The following VPS13D variants were observed in gnomAD, a reference collection of about 807,000 sequenced individuals.
The protein encoded by VPS13D is vacuolar protein sorting 13 homolog D.
In VPS13D, 187 loss-of-function variants were observed where a neutral mutation model predicts 461.9. The ratio of observed to expected loss-of-function variants is 0.40; its 90% CI spans 0.36 to 0.46. The LOEUF (loss-of-function observed/expected upper bound fraction) is 0.46, where lower values mean the gene tolerates loss of function less well. Among genes scored for constraint, VPS13D ranks in the 20% least tolerant of loss-of-function variants. The pLI, the probability that VPS13D is intolerant of heterozygous loss-of-function variation, is 0.60. For synonymous variants in VPS13D, 1,951 were observed against 1,986.3 expected (o/e 0.98, Z 0.47); for missense variants, 4,711 against 5,364.9 (o/e 0.88, Z 3.81).
intron 65 of VPS13D, 101 bp downstream of exon 65, chr1:12,416,928 A>G: frequency 3.0e-6 from 4 of 1,328,490 alleles, no homozygotes; most frequent in Non-Finnish European, 4.0e-6. Context: ...AGTTATATTC[A>G]TGGCTTTTGC....
intron 65 of VPS13D, among the ~76,000 whole-genome samples, chr1:12,445,299 A>G (rs1303635356): frequency 1.3e-5 from 2 of 152,234 alleles, no homozygotes; most frequent in Non-Finnish European, 2.9e-5. Context: ...TCATTTTCCT[A>G]TCTTTCTAGT....
Position 12,322,596 on chromosome 1 carries a change from A to G in VPS13D, c.7765A>G (p.Ile2589Val), listed in dbSNP as rs764173829. Residue 2589 changes from isoleucine to valine, a missense_variant, in exon 34 of 70, where the codon ATT (isoleucine) becomes GTT (valine). By Grantham distance (29) the Ile-to-Val change is conservative (BLOSUM62 3). Around this residue, in one of 3 missense-constraint regions of VPS13D, gnomAD observed 4,411 missense variants for 4,937.8 expected, o/e 0.89. Transcript: ENST00000620676. The stretch of plus-strand genomic sequence containing the variant: ...TAATGATGTTCAGCTGTTTCTTGCC[A>G]TTGCAAAATCCATCCCAGAGCAAGC... ...SYNDVQLFLA[I>V]AKSIPEQANA... 3.7e-6 allele frequency: 6 copies of G among 1,614,226 alleles called. No individual in the cohort carries two copies. The highest frequency in any genetic ancestry group is 5.1e-6 in the Non-Finnish European group (6 of 1,180,032).
At position 12,277,952 on chromosome 1, in the gene VPS13D, C is replaced by T. The variant is rs1221730173; in HGVS notation, c.4364C>T (p.Pro1455Leu). The T allele has an allele frequency of 1.2e-6, 2 of 1,614,198 alleles. No homozygotes were observed. Residue 1455 changes from proline to leucine, a missense_variant, in exon 19 of 70, where the codon CCA (proline) becomes CTA (leucine). Around this residue, in one of 3 missense-constraint regions of VPS13D, gnomAD observed 4,411 missense variants for 4,937.8 expected, o/e 0.89. Coordinates refer to ENST00000620676, the MANE Select transcript of VPS13D (RefSeq NM_015378.4). ...VGSEGSRMFC[P>L]PSGSGSANSQ... ...TCTGAAGGAAGCCGGATGTTTTGCC[C>T]ACCTTCCGGGTCTGGCAGTGCCAAC...
rs183776457 is a variant in VPS13D, at chr1:12,267,508, A to G, written c.1726-337A>G. ...GAGTAGTTAACCCCTTATTCTGTCC[A>G]TAGTTTTGTTTTGGTTGGGGGAACG... On this transcript the variant is annotated intron_variant, in intron 14 of 69. Transcript: ENST00000620676. Among the ~76,000 whole-genome samples the G allele has an allele frequency of 1.2e-4, 19 of 152,274 alleles. No individual in the cohort carries two copies. In the East Asian group the frequency reaches 3.7e-3, roughly 29 times the overall value.
chr1:12,361,585 C>T (rs1456219655), intron 50 of VPS13D, among the ~76,000 whole-genome samples: 5 of 150,346 alleles, frequency 3.3e-5, no homozygotes, highest in Admixed American at 6.6e-5. Context: ...TTAGTAGAGA[C>T]GGGGTTTCAC....
chr1:12,497,090 G>A lies in VPS13D; in HGVS notation c.12663-410G>A, dbSNP rs1645968174. 2.6e-5 allele frequency: 4 copies of A among 154,830 alleles called. No individual in the cohort carries two copies. In the South Asian group the frequency reaches 7.9e-4, roughly 31 times the overall value. The allele number at this position is 154,830 out of a possible 1,614,324, so 9.6% of individuals were successfully genotyped here. ...CCTAAAAAAGAGGGTGCGGCCCAGG[G>A]GGATCTATTATAGTAATAACCGCAG... On this transcript the variant is annotated intron_variant, in intron 67 of 69. Transcript: ENST00000620676.
intron 67 of VPS13D, among the ~76,000 whole-genome samples, chr1:12,476,648 C>A (rs1458903876): frequency 1.3e-5 from 2 of 152,174 alleles, no homozygotes; most frequent in Non-Finnish European, 2.9e-5. Flanking sequence ...CTAAATTTAG[C>A]CTACCTCTTT....
chr1:12,245,450 T>G (rs913631843), intron 5 of VPS13D, among the ~76,000 whole-genome samples: 1 of 152,260 alleles, frequency 6.6e-6, no homozygotes, highest in Non-Finnish European at 1.5e-5. Flanking sequence ...ATAGTTCTTA[T>G]GCCAGAAAGT....
chr1:12,262,576 T>C lies in VPS13D; in HGVS notation c.1594+496T>C, dbSNP rs561596929. ...AGCTAATAGTCTACAGTGGACTGTG[T>C]GGCCAGATGATTTTGCCTACCTTTA... is the stretch of plus-strand genomic sequence containing the variant. On this transcript the variant is annotated intron_variant, in intron 13 of 69. Transcript: ENST00000620676. 9.8e-5 allele frequency among the ~76,000 whole-genome samples: 15 copies of C among 152,332 alleles called. No homozygotes were observed. In the East Asian group the frequency reaches 2.9e-3, roughly 29 times the overall value.
At position 12,282,780 on chromosome 1, in the gene VPS13D, A is replaced by T; in HGVS notation, c.4678A>T (p.Lys1560Ter). ...DNLVYSEDLN[K>*]YPASATSSPC... ...TCTCGTGTACAGTGAAGATCTGAAT[A>T]AGTATCCAGCCAGTGCTACCTCCTC... The change falls in exon 21 of 70, where the codon AAG becomes TAG. Residue 1560 changes from lysine (K) to a stop codon, truncating the protein, a stop_gained. Transcript: ENST00000620676. LOFTEE classifies it high-confidence loss of function. 6.2e-7 allele frequency: 1 copy of T among 1,614,066 alleles called. No homozygotes were observed.
At chr1:12,407,259 T>C (rs1644668049) in intron 63 of VPS13D, 1 of 152,254 alleles carries the variant, frequency 6.6e-6, no homozygotes. Context: ...CAGACAGTTT[T>C]GTTTAGTGCA....
intron 29 of VPS13D, among the ~76,000 whole-genome samples, chr1:12,313,205 C>A (rs1371312181): frequency 2.6e-5 from 4 of 152,028 alleles, no homozygotes; most frequent in African/African-American, 4.8e-5. Context: ...GAAAGTCCGC[C>A]ACGGTCTGTA....
intron 67 of VPS13D, among the ~76,000 whole-genome samples, chr1:12,482,553 A>G (rs1645733347): frequency 6.6e-6 from 1 of 152,218 alleles, no homozygotes; most frequent in African/African-American, 2.4e-5. Flanking sequence ...GAGTGTATGG[A>G]CACTGCTCCA....
intron 58 of VPS13D, among the ~76,000 whole-genome samples, chr1:12,384,123 C>T (rs915503978): frequency 6.6e-6 from 1 of 152,196 alleles, no homozygotes; most frequent in East Asian, 1.9e-4. Context: ...TAGTGAAATA[C>T]CAGGTAGGAG....
intron 67 of VPS13D, among the ~76,000 whole-genome samples, chr1:12,481,928 A>G (rs1021665602): frequency 1.3e-5 from 2 of 152,204 alleles, no homozygotes; most frequent in African/African-American, 2.4e-5. Flanking sequence ...GTCTTGCTTC[A>G]TGGCACTTTA....
intron 65 of VPS13D, among the ~76,000 whole-genome samples, chr1:12,453,390 T>C (rs142391192): frequency 0.017 from 2,571 of 152,190 alleles, 95 homozygotes; most frequent in Admixed American, 0.099. Flanking sequence ...AGAAAGAATA[T>C]AAGAGCTTGA....
At chr1:12,300,486 G>A (rs1243136554) in intron 25 of VPS13D, among the ~76,000 whole-genome samples, 1 of 152,054 alleles carries the variant, frequency 6.6e-6, no homozygotes, top group African/African-American at 2.4e-5. Context: ...GAGATTACAG[G>A]CATGAGCCAC....
intron 67 of VPS13D, among the ~76,000 whole-genome samples, chr1:12,478,268 G>A (rs1197639021): frequency 3.3e-5 from 5 of 152,254 alleles, no homozygotes; most frequent in Non-Finnish European, 5.9e-5. Flanking sequence ...AGGGAGTGCC[G>A]CGTGGGCCGG....
At chr1:12,355,280 C>T (rs1021130840) in intron 47 of VPS13D, among the ~76,000 whole-genome samples, 1 of 152,136 alleles carries the variant, frequency 6.6e-6, no homozygotes, top group Admixed American at 6.5e-5. Context: ...GTACGGAGTC[C>T]TCAGGCCATA....
Sources: allele counts gnomAD v4.1 joint callset (sites outside exome capture counted in the v4.1 genomes callset), GRCh38; gene constraint gnomAD v4.1.1; regional missense constraint gnomAD v4.1.1; transcripts MANE v1.5; gene names NCBI Gene and HGNC (gene_info 2026-07-23, HGNC 2026-07-21).